CNTN4: variants seen among roughly 807,000 people sequenced by gnomAD.
CNTN4 encodes contactin 4, also known as contactin-4.
Under a neutral mutation model 122.5 loss-of-function variants are expected in CNTN4, and 77 were observed. That is an observed-to-expected ratio of 0.63 (90% CI 0.52 to 0.76). The LOEUF (loss-of-function observed/expected upper bound fraction) is 0.76. Ranked by LOEUF, CNTN4 falls within the 30% of genes least tolerant of loss-of-function variation. The pLI is 0.00. For missense variants in CNTN4, 1,256 were observed against 1,259.1 expected (o/e 1.00, Z 0.04); for synonymous variants, 512 against 447.0 (o/e 1.15, Z -1.83).
chr3:2,778,010 C>G (rs909594463), intron 6 of CNTN4, among the ~76,000 whole-genome samples: 5 of 151,554 alleles, frequency 3.3e-5, no homozygotes, highest in South Asian at 2.1e-4. Context: ...GTCAGGAGAT[C>G]GAGGCCATCC....
chr3:2,799,205 G>A (rs2150043329), intron 6 of CNTN4, among the ~76,000 whole-genome samples: 1 of 152,228 alleles, frequency 6.6e-6, no homozygotes, highest in East Asian at 1.9e-4. Flanking sequence ...TGTTGTTGTT[G>A]TTGGGTTAAG....
chr3:2,704,549 A>G (rs2086542769), intron 4 of CNTN4, among the ~76,000 whole-genome samples: 1 of 152,154 alleles, frequency 6.6e-6, no homozygotes, highest in Non-Finnish European at 1.5e-5. Context: ...CAGTGACAAA[A>G]CTGGCATCCT....
At chr3:3,025,765 G>C (rs1291041076) in intron 14 of CNTN4, among the ~76,000 whole-genome samples, 7 of 152,170 alleles carry the variant, frequency 4.6e-5, no homozygotes, top group Non-Finnish European at 1.0e-4. Flanking sequence ...AAACTGGAGA[G>C]AGACGAAAAC....
At chr3:2,985,997 C>T (rs2125259831) in intron 13 of CNTN4, among the ~76,000 whole-genome samples, 1 of 151,154 alleles carries the variant, frequency 6.6e-6, no homozygotes, top group South Asian at 2.1e-4. Flanking sequence ...TCACTGCAAC[C>T]TCCACCTCCT....
In CNTN4 at chr3:2,752,469, G is replaced by A. The variant is rs192108588; in HGVS notation, c.358+6772G>A. 1.2e-3 allele frequency among the ~76,000 whole-genome samples: 182 copies of A among 152,226 alleles called. 2 individuals carry two copies. The highest frequency in any genetic ancestry group is 4.2e-3 in the African/African-American group (173 of 41,554). On this transcript the variant is annotated intron_variant, in intron 6 of 24. Transcript: ENST00000418658. ...CAACCTCCACCTCCCGGGTCCAAGC[G>A]ATTTTACTGCCTCAGCCTCCCATGT...
chr3:2,797,332 C>T (rs1205100055), intron 6 of CNTN4, among the ~76,000 whole-genome samples: 1 of 152,108 alleles, frequency 6.6e-6, no homozygotes, highest in East Asian at 1.9e-4. Flanking sequence ...GGAATGGTGG[C>T]TTACGCCTGT....
At chr3:2,586,581 G>A (rs183500088) in intron 4 of CNTN4, among the ~76,000 whole-genome samples, 4 of 152,108 alleles carry the variant, frequency 2.6e-5, no homozygotes, top group East Asian at 3.9e-4. Flanking sequence ...GTGAGCCACC[G>A]CCTGCACCCC....
intron 13 of CNTN4, among the ~76,000 whole-genome samples, chr3:2,953,068 C>A (rs2094762620): frequency 6.6e-6 from 1 of 152,188 alleles, no homozygotes; most frequent in Admixed American, 6.5e-5. Flanking sequence ...AACTGGAATT[C>A]ATCTGTAGGT....
chr3:3,033,966 G>A (rs1310724689), intron 16 of CNTN4, among the ~76,000 whole-genome samples: 1 of 152,192 alleles, frequency 6.6e-6, no homozygotes, highest in Non-Finnish European at 1.5e-5. Context: ...TTAGTATCTA[G>A]CCTAATTTTG....
At chr3:2,166,900 A>T (rs1200269595) in intron 2 of CNTN4, among the ~76,000 whole-genome samples, 3 of 152,286 alleles carry the variant, frequency 2.0e-5, no homozygotes, top group South Asian at 4.1e-4. Context: ...AACACATAAG[A>T]AAAAGAAAGC....
At chr3:2,160,831 T>TAA (rs1303385142) in intron 2 of CNTN4, among the ~76,000 whole-genome samples, 1 of 152,186 alleles carries the variant, frequency 6.6e-6, no homozygotes, top group Non-Finnish European at 1.5e-5. Context: ...ATTTGGTCCA[T>TAA]AAATTCAATC....
chr3:2,721,097 G>A (rs564992519), intron 4 of CNTN4, among the ~76,000 whole-genome samples: 26 of 151,996 alleles, frequency 1.7e-4, no homozygotes, highest in African/African-American at 5.8e-4. Flanking sequence ...TCAGCCTCCC[G>A]AGCAGCTGGG....
intron 4 of CNTN4, among the ~76,000 whole-genome samples, chr3:2,652,389 T>G (rs2083402010): frequency 6.6e-6 from 1 of 152,186 alleles, no homozygotes; most frequent in Non-Finnish European, 1.5e-5. Flanking sequence ...GTCTTATTAT[T>G]TCAACTACTA....
intron 3 of CNTN4, among the ~76,000 whole-genome samples, chr3:2,494,644 G>C (rs958468884): frequency 1.3e-5 from 2 of 152,210 alleles, no homozygotes; most frequent in Non-Finnish European, 2.9e-5. Context: ...ATTCACTACA[G>C]AATGTAGCTT....
At chr3:2,778,425 AG>A (rs770200495) in intron 6 of CNTN4, among the ~76,000 whole-genome samples, 3 of 152,100 alleles carry the variant, frequency 2.0e-5, no homozygotes, top group African/African-American at 7.2e-5. Flanking sequence ...ATTTTTTAAA[AG>A]CAAGTTCTCA....
At position 2,627,684 on chromosome 3, in the gene CNTN4, G is replaced by A. The variant is rs149319928; in HGVS notation, c.55+56126G>A. Among the ~76,000 whole-genome samples the A allele has an allele frequency of 7.3e-3, 1,108 of 151,802 alleles. 5 individuals are homozygous for A. The highest frequency in any genetic ancestry group is 0.012 in the Non-Finnish European group (802 of 67,934). On this transcript the variant is annotated intron_variant, in intron 4 of 24. Coordinates refer to ENST00000418658, the MANE Select transcript of CNTN4 (RefSeq NM_175607.3). ...AATTTTTTGTATTTTTAGTAGAGAC[G>A]GGGTTTCACCGTGTTAGCCAGGATG...
At chr3:2,896,631 C>T (rs1343953763) in intron 10 of CNTN4, among the ~76,000 whole-genome samples, 2 of 152,088 alleles carry the variant, frequency 1.3e-5, no homozygotes, top group African/African-American at 2.4e-5. Context: ...GACTATTTCT[C>T]GTGCCAATAC....
At chr3:2,644,700 ACATTTGGGCTCT>A (rs1236454504) in intron 4 of CNTN4, among the ~76,000 whole-genome samples, 2 of 149,454 alleles carry the variant, frequency 1.3e-5, no homozygotes, top group African/African-American at 4.9e-5. Flanking sequence ...AGAAACTAGG[ACATTTGGGCTCT>A]CTGACCAAGA....
intron 6 of CNTN4, among the ~76,000 whole-genome samples, chr3:2,775,453 A>G (rs1350020284): frequency 1.3e-5 from 2 of 152,016 alleles, no homozygotes; most frequent in African/African-American, 4.8e-5. Context: ...TTTCTTTGAG[A>G]CAGAGTCTCA....
Sources: gnomAD v4.1 joint callset for allele counts (sites outside exome capture counted in the v4.1 genomes callset) on GRCh38, gnomAD v4.1.1 for gene constraint, MANE v1.5 for transcripts, NCBI Gene and HGNC (gene_info 2026-07-23, HGNC 2026-07-21) for gene names.